ABCC1: variants seen among roughly 807,000 people sequenced by gnomAD.
The protein encoded by ABCC1 is ATP binding cassette subfamily C member 1 (ABCC1 blood group).
Under a neutral mutation model 172.9 loss-of-function variants are expected in ABCC1, and 83 were observed. The observed-to-expected ratio is 0.48, with a 90% CI of 0.40 to 0.58. The LOEUF is 0.58. Ranked by LOEUF, ABCC1 falls within the 20% of genes least tolerant of loss-of-function variation. ABCC1 has a pLI of 0.00. For missense variants in ABCC1, 1,817 were observed against 2,002.7 expected, an observed-to-expected ratio of 0.91 and a Z score of 1.77; for synonymous variants, 937 against 825.2, an observed-to-expected ratio of 1.14 and a Z score of -2.32.
chr16:15,997,997 T>C (rs1317241930), intron 1 of ABCC1, among the ~76,000 whole-genome samples: 1 of 151,662 alleles, frequency 6.6e-6, no homozygotes, highest in African/African-American at 2.4e-5. Context: ...TTTTTTTTCT[T>C]TTTCAGTAGA....
chr16:16,125,751 A>G (rs950125159), intron 25 of ABCC1, 59 bp from the exon 26 acceptor site: 23 of 1,269,854 alleles, frequency 1.8e-5, no homozygotes, highest in Non-Finnish European at 2.3e-5. Context: ...AAAAAAGAAA[A>G]AGGAAAGTCA....
intron 16 of ABCC1, among the ~76,000 whole-genome samples, chr16:16,082,094 C>A (rs2050826871): frequency 6.6e-6 from 1 of 152,164 alleles, no homozygotes; most frequent in Admixed American, 6.6e-5. Flanking sequence ...CCCTTGCTGT[C>A]CCTGGTGTGT....
chr16:15,972,113 T>TA (rs1760787844), intron 1 of ABCC1, among the ~76,000 whole-genome samples: 1 of 148,828 alleles, frequency 6.7e-6, no homozygotes, highest in Non-Finnish European at 1.5e-5. Flanking sequence ...AATGACTTTT[T>TA]ATTTTAAATG....
In ABCC1 at chr16:16,141,218, A is replaced by T; in HGVS notation, c.4533A>T (p.Pro1511=). 6.2e-7 allele frequency: 1 copy of T among 1,613,992 alleles called. No individual in the cohort carries two copies. Among genetic ancestry groups the T allele is most frequent in the East Asian group, 2.2e-5 (1 of 44,872 alleles). ...GAGAAATCCAGGAGTACGGCGCCCCATCGGACCTCCTGCAGCAGAGAGGTC... is the reference window on the plus strand; with the variant it reads ...GAGAAATCCAGGAGTACGGCGCCCCTTCGGACCTCCTGCAGCAGAGAGGTC... The part of the protein sequence containing the change: ...DKGEIQEYGA[P]SDLLQQRGLF... The change falls in exon 31 of 31, where the codon CCA becomes CCT. Residue 1511 remains proline, a synonymous_variant. Coordinates refer to ENST00000399410, the MANE Select transcript of ABCC1 (RefSeq NM_004996.4).
At chr16:16,118,543 A>C (rs749185370) in intron 23 of ABCC1, among the ~76,000 whole-genome samples, 14 of 151,210 alleles carry the variant, frequency 9.3e-5, no homozygotes, top group Non-Finnish European at 1.8e-4. Flanking sequence ...GCAGTGTTGA[A>C]GGCAACTTAA....
intron 5 of ABCC1, among the ~76,000 whole-genome samples, chr16:16,032,618 G>A (rs924136): frequency 0.38 from 58,095 of 152,084 alleles, 13,465 homozygotes; most frequent in Non-Finnish European, 0.52. Context: ...TAAGCTCTTG[G>A]TAGAGTGTCT....
At chr16:16,134,177 GGCCGAAAC>G (rs2045821524) in intron 27 of ABCC1, among the ~76,000 whole-genome samples, 165 bp from the exon 28 acceptor site, 1 of 152,002 alleles carries the variant, frequency 6.6e-6, no homozygotes, top group Non-Finnish European at 1.5e-5. Flanking sequence ...CTTGACCTTC[GGCCGAAAC>G]ACCCTTAAAG....
chr16:15,995,143 G>A (rs890849590), intron 1 of ABCC1, among the ~76,000 whole-genome samples: 8 of 151,700 alleles, frequency 5.3e-5, no homozygotes, highest in African/African-American at 1.9e-4. Flanking sequence ...AAAAACAAAC[G>A]AAACATCAAA....
intron 1 of ABCC1, among the ~76,000 whole-genome samples, chr16:15,976,389 C>G (rs1382763344): frequency 6.6e-6 from 1 of 152,136 alleles, no homozygotes; most frequent in Non-Finnish European, 1.5e-5. Context: ...GTGACAAGTT[C>G]CCTGTGAAGC....
intron 24 of ABCC1, among the ~76,000 whole-genome samples, chr16:16,123,558 C>T (rs1402444312): frequency 1.3e-5 from 2 of 151,788 alleles, no homozygotes; most frequent in Non-Finnish European, 2.9e-5. Context: ...ACCCAAGAGG[C>T]AGAGGTTGCA....
In ABCC1 at chr16:16,138,503, G is replaced by A; in HGVS notation, c.4432G>A (p.Asp1478Asn). The change falls in exon 30 of 31, where the codon GAC (aspartate) becomes AAC (asparagine). Residue 1478 changes from aspartate (D) to asparagine (N), a missense_variant. Around this residue, in one of 3 missense-constraint regions of ABCC1, gnomAD observed 1,412 missense variants for 1,600.3 expected, o/e 0.88. Transcript: ENST00000399410. ...GTCCACCATCCGGACACAGTTCGAGGACTGCACCGTCCTCACCATCGCCCA... is the reference window on the plus strand; with the variant it reads ...GTCCACCATCCGGACACAGTTCGAGAACTGCACCGTCCTCACCATCGCCCA... ...IQSTIRTQFE[D>N]CTVLTIAHRL... 6.2e-7 allele frequency: 1 copy of A among 1,612,018 alleles called. No individual in the cohort carries two copies. The highest frequency in any genetic ancestry group is 8.5e-7 in the Non-Finnish European group (1 of 1,178,484).
chr16:15,951,463 G>A (rs1013043569), intron 1 of ABCC1, among the ~76,000 whole-genome samples: 16 of 151,736 alleles, frequency 1.1e-4, no homozygotes, highest in African/African-American at 3.9e-4. Context: ...AAATTGCCAG[G>A]TGGTTGGGTT....
rs369577839 is a variant in ABCC1, at chr16:16,122,089, G to A, written c.3505G>A (p.Glu1169Lys). 1.3e-5 allele frequency: 21 copies of A among 1,614,052 alleles called. No homozygotes were observed. The highest frequency in any genetic ancestry group is 1.7e-5 in the Non-Finnish European group (20 of 1,180,046). The change falls in exon 24 of 31, where the codon GAG becomes AAG. Residue 1169 changes from glutamate to lysine, a missense_variant. This residue lies in a region of ABCC1 where 1,412 missense variants were observed against 1,600.3 expected (regional missense o/e 0.88). Coordinates refer to ENST00000399410, the MANE Select transcript of ABCC1 (RefSeq NM_004996.4). ...GGGGGTCAGCGTCATTCGAGCCTTCGAGGAGCAGGAGCGCTTCATCCACCA... is the reference window on the plus strand; with the variant it reads ...GGGGGTCAGCGTCATTCGAGCCTTCAAGGAGCAGGAGCGCTTCATCCACCA... ...LLGVSVIRAFEEQERFIHQSD... is the reference protein window; with the variant it reads ...LLGVSVIRAFKEQERFIHQSD...
chr16:16,131,701 AGAGT>A (rs1567439819), intron 26 of ABCC1, 84 bp from the exon 27 acceptor site: 4 of 1,490,000 alleles, frequency 2.7e-6, no homozygotes, highest in Non-Finnish European at 3.6e-6. Context: ...CTTGGGCAGC[AGAGT>A]GAGTGAGAGG....
chr16:16,108,267 T>G (rs866795637), intron 21 of ABCC1, among the ~76,000 whole-genome samples: 1 of 122,906 alleles, frequency 8.1e-6, no homozygotes, highest in Non-Finnish European at 1.7e-5. Flanking sequence ...TATCGTTTCT[T>G]TGTGTCTTTT....
chr16:15,959,054 G>A (rs1033844052), intron 1 of ABCC1, among the ~76,000 whole-genome samples: 7 of 152,280 alleles, frequency 4.6e-5, no homozygotes, highest in African/African-American at 1.7e-4. Context: ...GGAATATGGG[G>A]GAGAAACATG....
chr16:16,116,137 C>T (rs527584799), intron 23 of ABCC1, among the ~76,000 whole-genome samples: 227 of 152,260 alleles, frequency 1.5e-3, no homozygotes, highest in African/African-American at 5.2e-3. Context: ...ATCTCCTGAC[C>T]TCGTGATTCG....
At chr16:15,971,974 C>T (rs563038496) in intron 1 of ABCC1, among the ~76,000 whole-genome samples, 7 of 152,200 alleles carry the variant, frequency 4.6e-5, no homozygotes, top group South Asian at 2.1e-4. Context: ...AGCTGAGAGA[C>T]GGAACCTCCA....
intron 1 of ABCC1, among the ~76,000 whole-genome samples, chr16:16,007,017 A>G (rs2047565475): frequency 6.6e-6 from 1 of 152,110 alleles, no homozygotes; most frequent in Non-Finnish European, 1.5e-5. Context: ...GAAAGTCCTC[A>G]GTTCACAAGG....
Sources: gnomAD v4.1 joint callset for allele counts (sites outside exome capture counted in the v4.1 genomes callset) on GRCh38, gnomAD v4.1.1 for gene constraint, gnomAD v4.1.1 regional missense constraint, MANE v1.5 for transcripts, NCBI Gene and HGNC (gene_info 2026-07-23, HGNC 2026-07-21) for gene names.